SGCD: variants seen among roughly 807,000 people sequenced by gnomAD.
SGCD encodes delta-sarcoglycan.
Under a neutral mutation model 36.6 loss-of-function variants are expected in SGCD, and 18 were observed. The observed-to-expected ratio is 0.49, with a 90% CI of 0.34 to 0.73. The LOEUF is 0.73. Among genes scored for constraint, SGCD ranks in the 30% least tolerant of loss-of-function variants. The pLI is 0.01. For synonymous variants in SGCD, 133 were observed against 130.6 expected (o/e 1.02, Z -0.12); for missense variants, 387 against 346.7 (o/e 1.12, Z -0.92).
At chr5:156,167,781 G>A (rs80323348) in intron 3 of SGCD, among the ~76,000 whole-genome samples, 1 of 152,212 alleles carries the variant, frequency 6.6e-6, no homozygotes, top group Middle Eastern at 3.4e-3. Flanking sequence ...ATAAAACCAA[G>A]CAGATGCTGG....
At chr5:156,175,525 T>C (rs895887127) in intron 3 of SGCD, among the ~76,000 whole-genome samples, 2 of 152,212 alleles carry the variant, frequency 1.3e-5, no homozygotes, top group African/African-American at 2.4e-5. Flanking sequence ...AATCCCATTC[T>C]TTACTTAGCC....
Position 155,954,563 on chromosome 5 carries a change from C to CTT in SGCD, c.-282+84154_-282+84155dup, listed in dbSNP as rs199889260. 5.3e-3 allele frequency among the ~76,000 whole-genome samples: 694 copies of CTT among 130,756 alleles called. 5 individuals carry two copies. Among genetic ancestry groups the CTT allele is most frequent in the African/African-American group, 0.016 (578 of 36,202 alleles). 85.8% of individuals were successfully genotyped at this position (130,756 alleles called of 152,430 possible). On this transcript the variant is annotated intron_variant, in intron 1 of 9. Coordinates refer to the SGCD transcript ENST00000517913. ...ATCATTATGGGCAGCTTATGGGGTT[C>CTT]TTTTTTTTTTTTTTTTGGGTTAAAT...
At chr5:156,116,897 T>A (rs1761918331) in intron 1 of SGCD, among the ~76,000 whole-genome samples, 1 of 152,126 alleles carries the variant, frequency 6.6e-6, no homozygotes, top group Non-Finnish European at 1.5e-5. Flanking sequence ...TAGTCAATTG[T>A]GCTTTGTTAA....
At chr5:156,618,703 G>T (rs79154421) in intron 6 of SGCD, among the ~76,000 whole-genome samples, 3 of 152,074 alleles carry the variant, frequency 2.0e-5, no homozygotes, top group African/African-American at 7.2e-5. Flanking sequence ...CAGTGGTTCG[G>T]TTTTCCCCTC....
intron 1 of SGCD, among the ~76,000 whole-genome samples, chr5:155,876,460 A>G (rs6555728): frequency 6.6e-6 from 1 of 152,028 alleles, no homozygotes; most frequent in Non-Finnish European, 1.5e-5. Context: ...TATTTATAAG[A>G]AATTTACCTT....
the SGCD span, among the ~76,000 whole-genome samples, chr5:155,734,256 A>C: frequency 6.6e-6 from 1 of 151,522 alleles, no homozygotes; most frequent in African/African-American, 2.4e-5. Flanking sequence ...CCCAGGCTGG[A>C]GTTCAGTGGT....
At chr5:155,823,483 C>G in the SGCD span, among the ~76,000 whole-genome samples, 2,677 of 152,172 alleles carry the variant, frequency 0.018, 87 homozygotes, top group African/African-American at 0.06. Context: ...AGTAAACACA[C>G]CCCCAGAAGT....
chr5:156,753,026 G>A (rs1757206274), intron 7 of SGCD, among the ~76,000 whole-genome samples: 1 of 151,994 alleles, frequency 6.6e-6, no homozygotes, highest in South Asian at 2.1e-4. Context: ...CTAGAGCCGT[G>A]CTTCTCAAAG....
chr5:156,008,285 C>G (rs993354704), intron 1 of SGCD, among the ~76,000 whole-genome samples: 1 of 152,186 alleles, frequency 6.6e-6, no homozygotes, highest in Non-Finnish European at 1.5e-5. Flanking sequence ...TGGCTTCCAG[C>G]AATCCTTGAA....
chr5:156,252,350 T>G (rs2127661510), intron 3 of SGCD, among the ~76,000 whole-genome samples: 1 of 152,268 alleles, frequency 6.6e-6, no homozygotes, highest in South Asian at 2.1e-4. Flanking sequence ...GTGCTGAGAT[T>G]ACAGGCGTGA....
chr5:155,799,812 C>CTTT, the SGCD span, among the ~76,000 whole-genome samples: 399 of 58,778 alleles, frequency 6.8e-3, 4 homozygotes, highest in African/African-American at 9.2e-3. Context: ...TCCTATTCCC[C>CTTT]TTTTTTTTTT....
chr5:155,827,067 C>T, the SGCD span, among the ~76,000 whole-genome samples: 2 of 152,170 alleles, frequency 1.3e-5, no homozygotes, highest in African/African-American at 4.8e-5. Context: ...TGAGAGAAAG[C>T]CTGCTTTTTA....
intron 3 of SGCD, among the ~76,000 whole-genome samples, chr5:156,256,473 G>A (rs774452154): frequency 3.9e-5 from 6 of 152,018 alleles, no homozygotes; most frequent in African/African-American, 1.2e-4. Context: ...TCATGCTTTC[G>A]ACCAAAGCAT....
chr5:155,933,149 C>T (rs367822992), intron 1 of SGCD, among the ~76,000 whole-genome samples: 78 of 152,280 alleles, frequency 5.1e-4, no homozygotes, highest in African/African-American at 1.7e-3. Flanking sequence ...TTTTATCCCT[C>T]TTATCCTCTC....
At chr5:156,537,373 C>T (rs1220407271) in intron 4 of SGCD, among the ~76,000 whole-genome samples, 1 of 150,534 alleles carries the variant, frequency 6.6e-6, no homozygotes, top group Non-Finnish European at 1.5e-5. Flanking sequence ...TCTATGGTGA[C>T]TTTGTGGATA....
intron 1 of SGCD, among the ~76,000 whole-genome samples, chr5:156,096,551 A>G (rs1355827720): frequency 6.6e-6 from 1 of 152,204 alleles, no homozygotes; most frequent in Non-Finnish European, 1.5e-5. Flanking sequence ...ATGGGCTGAC[A>G]CAATCCTTGG....
intron 6 of SGCD, among the ~76,000 whole-genome samples, chr5:156,642,209 AACGCCC>A (rs769565544): frequency 7.2e-5 from 11 of 151,980 alleles, no homozygotes; most frequent in Non-Finnish European, 1.0e-4. Flanking sequence ...TTATTTCCCA[AACGCCC>A]CACCTCCTAA....
the SGCD span, among the ~76,000 whole-genome samples, chr5:155,824,366 GT>G: frequency 6.6e-6 from 1 of 152,078 alleles, no homozygotes; most frequent in Non-Finnish European, 1.5e-5. Flanking sequence ...TCTTGCAAGG[GT>G]TAAGCACTCA....
intron 4 of SGCD, among the ~76,000 whole-genome samples, chr5:156,563,143 G>A (rs1243369575): frequency 6.6e-6 from 1 of 151,886 alleles, no homozygotes; most frequent in East Asian, 1.9e-4. Context: ...AACCTCACCT[G>A]GCAAATTTTT....
Sources: gnomAD v4.1 joint callset for allele counts (sites outside exome capture counted in the v4.1 genomes callset) on GRCh38, gnomAD v4.1.1 for gene constraint, MANE v1.5 for transcripts, NCBI Gene and HGNC (gene_info 2026-07-23, HGNC 2026-07-21) for gene names.